Variants in TUSC3 observed in about 807,000 individuals in gnomAD.
TUSC3 encodes tumor suppressor candidate 3, also known as dolichyl-diphosphooligosaccharide--protein glycosyltransferase subunit TUSC3.
TUSC3 carries 45 observed loss-of-function variants against 44.8 expected under a neutral mutation model. That is an observed-to-expected ratio of 1.00 (90% CI 0.79 to 1.29). The LOEUF is 1.29. TUSC3 is among the 50% of genes most tolerant of loss of function. TUSC3 has a pLI of 0.00. For synonymous variants in TUSC3, 212 were observed against 152.9 expected (o/e 1.39, Z -2.85); for missense variants, 519 against 437.9 (o/e 1.19, Z -1.65).
chr8:15,790,079 G>C, the TUSC3 span, among the ~76,000 whole-genome samples: 27 of 150,266 alleles, frequency 1.8e-4, no homozygotes, highest in Non-Finnish European at 1.2e-4. Flanking sequence ...TTATTTGCAA[G>C]TTAAGGGACA....
chr8:15,543,180 G>C (rs1252102973), intron 1 of TUSC3, among the ~76,000 whole-genome samples: 1 of 152,166 alleles, frequency 6.6e-6, no homozygotes, highest in East Asian at 1.9e-4. Flanking sequence ...CCTATGATAA[G>C]ATTTGGCACA....
intron 1 of TUSC3, among the ~76,000 whole-genome samples, chr8:15,438,034 A>G (rs1226657661): frequency 6.6e-6 from 1 of 152,158 alleles, no homozygotes; most frequent in Non-Finnish European, 1.5e-5. Context: ...ATATTTCTGA[A>G]TATCAGTTTC....
intron 3 of TUSC3, among the ~76,000 whole-genome samples, chr8:15,656,993 G>T (rs957581412): frequency 2.0e-5 from 3 of 152,160 alleles, no homozygotes; most frequent in Non-Finnish European, 4.4e-5. Context: ...ACAGCAGTAT[G>T]CAGGGAGTGG....
chr8:15,594,783 T>A (rs1035354255), intron 1 of TUSC3, among the ~76,000 whole-genome samples: 3 of 152,186 alleles, frequency 2.0e-5, no homozygotes, highest in African/African-American at 7.2e-5. Flanking sequence ...TTTGGTGAGA[T>A]GGAATGTCTT....
At chr8:15,449,159 G>C (rs937456312) in intron 1 of TUSC3, among the ~76,000 whole-genome samples, 6 of 152,174 alleles carry the variant, frequency 3.9e-5, no homozygotes, top group African/African-American at 1.4e-4. Context: ...CTGAAAACAG[G>C]TATTTCCAGA....
rs773011398 is a variant in TUSC3, at chr8:15,748,589, A to C, written c.1028+124A>C. ...GTGGTTTTTTTAAATTCAGTTAAGC[A>C]AGTTTTTGAGCACCTGCCATGTGTT... On this transcript the variant is annotated intron_variant, in intron 9 of 10. Coordinates refer to ENST00000503731, the MANE Select transcript of TUSC3 (RefSeq NM_006765.4). 3 of 918,736 alleles carry C rather than the reference A, an allele frequency of 3.3e-6. No individual in the cohort carries two copies. In the African/African-American group the frequency reaches 4.9e-5, roughly 15 times the overall value. 56.9% of individuals were successfully genotyped at this position (918,736 alleles called of 1,614,324 possible).
At chr8:15,426,605 A>G (rs1219793930) in intron 1 of TUSC3, among the ~76,000 whole-genome samples, 2 of 152,188 alleles carry the variant, frequency 1.3e-5, no homozygotes, top group Non-Finnish European at 2.9e-5. Flanking sequence ...AATAATAAAT[A>G]CTGCATTATA....
chr8:15,802,601 T>C, the TUSC3 span, among the ~76,000 whole-genome samples: 2 of 151,744 alleles, frequency 1.3e-5, no homozygotes, highest in Non-Finnish European at 2.9e-5. Flanking sequence ...TTTTGTATCC[T>C]CATTTTTCCT....
rs28378987 is a variant in TUSC3, at chr8:15,473,760, A to G, written n.92-9626A>G. ...ACATGCTTCAAAGGGCAAAAAGCAG[A>G]ACAAAGATCACATGCTTCTGAGGAA... On this transcript the variant is annotated intron_variant and non_coding_transcript_variant, in intron 1 of 5. Coordinates refer to the TUSC3 transcript ENST00000503191. Among the ~76,000 whole-genome samples, 1,302 of 152,336 alleles carry G rather than the reference A, an allele frequency of 8.5e-3. 21 individuals are homozygous for G. Among genetic ancestry groups the G allele is most frequent in the African/African-American group, 0.03 (1,246 of 41,584 alleles).
At position 15,605,231 on chromosome 8, in the gene TUSC3, A is replaced by C. The variant is rs183017551; in HGVS notation, c.139-17849A>C. 5.9e-5 allele frequency among the ~76,000 whole-genome samples: 9 copies of C among 151,980 alleles called. No homozygotes were observed. In the East Asian group the frequency reaches 1.7e-3, roughly 29 times the overall value. On this transcript the variant is annotated intron_variant, in intron 1 of 10. Coordinates refer to ENST00000503731, the MANE Select transcript of TUSC3 (RefSeq NM_006765.4). ...ACAGCAAAGAAGCACAGAGTAACTCATGCCGCTACCTGGCTTTGTTTCATA... is the reference window on the plus strand; with the variant it reads ...ACAGCAAAGAAGCACAGAGTAACTCCTGCCGCTACCTGGCTTTGTTTCATA...
chr8:15,549,421 C>G (rs1801979754), intron 1 of TUSC3, among the ~76,000 whole-genome samples: 1 of 151,682 alleles, frequency 6.6e-6, no homozygotes, highest in Admixed American at 6.6e-5. Context: ...ATCTGCCCGC[C>G]TCGGCCTCCC....
chr8:15,436,242 C>T (rs949499719), intron 1 of TUSC3, among the ~76,000 whole-genome samples: 1 of 152,174 alleles, frequency 6.6e-6, no homozygotes, highest in African/African-American at 2.4e-5. Context: ...CATACAGTCA[C>T]ATCTGCTGCC....
chr8:15,495,008 G>A (rs991384748), intron 2 of TUSC3, among the ~76,000 whole-genome samples: 1 of 152,260 alleles, frequency 6.6e-6, no homozygotes, highest in Middle Eastern at 3.4e-3. Context: ...TGCAGTATTT[G>A]GTTTGCTGTT....
intron 1 of TUSC3, among the ~76,000 whole-genome samples, chr8:15,598,818 C>A (rs183388778): frequency 6.6e-6 from 1 of 151,392 alleles, no homozygotes; most frequent in Non-Finnish European, 1.5e-5. Flanking sequence ...TCTGGATGTA[C>A]CAGTTTATTT....
the TUSC3 span, among the ~76,000 whole-genome samples, chr8:15,772,432 A>G: frequency 1.3e-5 from 2 of 152,200 alleles, no homozygotes; most frequent in Non-Finnish European, 2.9e-5. Flanking sequence ...AATGATATGG[A>G]CATATTCCTA....
At chr8:15,775,524 A>C in the TUSC3 span, among the ~76,000 whole-genome samples, 1 of 151,956 alleles carries the variant, frequency 6.6e-6, no homozygotes, top group Non-Finnish European at 1.5e-5. Context: ...TTAACAACCT[A>C]CTAATGCTAT....
Position 15,650,702 on chromosome 8 carries a change from C to G in TUSC3, c.314C>G (p.Ala105Gly). 1 of 1,613,908 alleles carries G rather than the reference C, an allele frequency of 6.2e-7. No homozygotes were observed. The highest frequency in any genetic ancestry group is 8.5e-7 in the Non-Finnish European group (1 of 1,179,874). ...PQRQCSVCRQ[A>G]NEEYQILANS... ...TGGCCCATTATTCTTATCAGGCAAGCTAATGAAGAATATCAAATACTGGCG... is the reference window on the plus strand; with the variant it reads ...TGGCCCATTATTCTTATCAGGCAAGGTAATGAAGAATATCAAATACTGGCG... Residue 105 changes from alanine (A) to glycine (G), a missense_variant, in exon 3 of 11, where the codon GCT becomes GGT. Physicochemically the swap from Ala to Gly is moderately conservative, Grantham distance 60. Transcript: ENST00000503731.
chr8:15,563,765 A>T (rs1229649808), intron 1 of TUSC3, among the ~76,000 whole-genome samples: 2 of 151,352 alleles, frequency 1.3e-5, no homozygotes, highest in Non-Finnish European at 2.9e-5. Flanking sequence ...TTTAAAGCTC[A>T]TAGTTCTTAA....
the TUSC3 span, chr8:15,807,368 A>C: frequency 5.7e-6 from 2 of 349,888 alleles, no homozygotes; most frequent in Non-Finnish European, 1.1e-5. Flanking sequence ...AACAACAACA[A>C]AACAAGGCTG....
Sources: gnomAD v4.1 joint callset for allele counts (sites outside exome capture counted in the v4.1 genomes callset) on GRCh38, gnomAD v4.1.1 for gene constraint, MANE v1.5 for transcripts, NCBI Gene and HGNC (gene_info 2026-07-23, HGNC 2026-07-21) for gene names.